Variants in AFAP1L1 observed in about 807,000 individuals in gnomAD.
AFAP1L1 encodes actin filament associated protein 1 like 1.
In AFAP1L1, 77 loss-of-function variants were observed where a neutral mutation model predicts 99.8. The ratio of observed to expected loss-of-function variants is 0.77; its 90% CI spans 0.64 to 0.93. AFAP1L1 has a LOEUF of 0.93. Among genes scored for constraint, AFAP1L1 ranks in the 40% least tolerant of loss-of-function variants. AFAP1L1 has a pLI of 0.00. For missense variants in AFAP1L1, 893 were observed against 996.8 expected (o/e 0.90, Z 1.40); for synonymous variants, 373 against 395.3 (o/e 0.94, Z 0.67).
chr5:149,311,009 AGTGT>A (rs1308636862), intron 8 of AFAP1L1, among the ~76,000 whole-genome samples: 1 of 152,148 alleles, frequency 6.6e-6, no homozygotes, highest in Non-Finnish European at 1.5e-5. Flanking sequence ...CCAGGCAGTG[AGTGT>A]GTGGTAACTG....
chr5:149,308,471 AT>A (rs1368734153), intron 7 of AFAP1L1, among the ~76,000 whole-genome samples: 1 of 152,112 alleles, frequency 6.6e-6, no homozygotes, highest in Admixed American at 6.5e-5. Flanking sequence ...TTTAAGAAGG[AT>A]TTTTTTATAT....
intron 15 of AFAP1L1, 91 bp downstream of exon 15, chr5:149,322,808 G>A (rs1462845011): frequency 3.0e-6 from 3 of 1,011,648 alleles, no homozygotes; most frequent in East Asian, 2.8e-5. Context: ...TCCCTGGTGG[G>A]TAAATAAATG....
At chr5:149,302,585 A>C (rs1756263648) in intron 5 of AFAP1L1, 59 bp downstream of exon 5, 1 of 1,421,724 alleles carries the variant, frequency 7.0e-7, no homozygotes, top group African/African-American at 1.4e-5. Context: ...AGCCAAATTT[A>C]AGTTCCTCTG....
chr5:149,315,219 GGT>G (rs1756759688), intron 9 of AFAP1L1, among the ~76,000 whole-genome samples: 1 of 152,094 alleles, frequency 6.6e-6, no homozygotes, highest in African/African-American at 2.4e-5. Flanking sequence ...GTTGTGTGTG[GGT>G]GTGTGGGTGT....
chr5:149,275,732 T>C (rs1437772304), intron 1 of AFAP1L1, among the ~76,000 whole-genome samples: 1 of 151,910 alleles, frequency 6.6e-6, no homozygotes, highest in Non-Finnish European at 1.5e-5. Context: ...GGTCTCCATC[T>C]CCTGACCTCG....
At chr5:149,300,470 G>A in intron 3 of AFAP1L1, 116 bp downstream of exon 3, 1 of 864,414 alleles carries the variant, frequency 1.2e-6, no homozygotes, top group Non-Finnish European at 1.8e-6. Flanking sequence ...AAGTCGCTTT[G>A]GGCCAGTCCT....
At chr5:149,288,740 C>T (rs764791817) in intron 1 of AFAP1L1, among the ~76,000 whole-genome samples, 16 of 152,328 alleles carry the variant, frequency 1.1e-4, no homozygotes, top group Non-Finnish European at 8.8e-5. Context: ...CCTTCCTCTA[C>T]CCCCTCCTGT....
chr5:149,316,608 A>T (rs1756806185), intron 11 of AFAP1L1, among the ~76,000 whole-genome samples: 1 of 152,210 alleles, frequency 6.6e-6, no homozygotes, highest in Non-Finnish European at 1.5e-5. Flanking sequence ...CCTCCACGAT[A>T]ACAAGACAGG....
intron 5 of AFAP1L1, among the ~76,000 whole-genome samples, chr5:149,304,119 A>G (rs558866070): frequency 6.6e-6 from 1 of 152,320 alleles, no homozygotes; most frequent in Admixed American, 6.5e-5. Flanking sequence ...ATGGAGTCAT[A>G]TAATTTGTGG....
intron 1 of AFAP1L1, among the ~76,000 whole-genome samples, chr5:149,289,400 C>T (rs770030187): frequency 6.6e-6 from 1 of 152,038 alleles, no homozygotes; most frequent in Non-Finnish European, 1.5e-5. Context: ...CACACAGGGG[C>T]TATATTTAAC....
chr5:149,329,710 G>A lies in AFAP1L1; in HGVS notation c.1855G>A (p.Ala619Thr). 1.2e-6 allele frequency: 2 copies of A among 1,614,130 alleles called. No homozygotes were observed. The highest frequency in any genetic ancestry group is 1.7e-6 in the Non-Finnish European group (2 of 1,180,020). Residue 619 changes from alanine (A) to threonine (T), a missense_variant, in exon 16 of 19, where the codon GCC (alanine) becomes ACC (threonine). Coordinates refer to ENST00000296721, the MANE Select transcript of AFAP1L1 (RefSeq NM_152406.4). Reference protein sequence around the residue: ...KYGKNRAEEDARRYLVEKEKL... With the variant: ...KYGKNRAEEDTRRYLVEKEKL... ...TGGCAAGAACCGAGCCGAGGAGGAT[G>A]CCCGGAGGTACTTGGTAGAAAAAGA...
intron 15 of AFAP1L1, among the ~76,000 whole-genome samples, chr5:149,325,765 GTGT>G (rs1348031380): frequency 6.6e-6 from 1 of 152,158 alleles, no homozygotes; most frequent in African/African-American, 2.4e-5. Context: ...CAAGATCAAG[GTGT>G]TGACATCTAG....
At chr5:149,324,597 G>A (rs1757042093) in intron 15 of AFAP1L1, among the ~76,000 whole-genome samples, 1 of 152,338 alleles carries the variant, frequency 6.6e-6, no homozygotes, top group African/African-American at 2.4e-5. Flanking sequence ...CATGTGTTAT[G>A]TCACACGGTT....
At chr5:149,294,975 T>G (rs921489415) in intron 1 of AFAP1L1, among the ~76,000 whole-genome samples, 6 of 152,184 alleles carry the variant, frequency 3.9e-5, no homozygotes, top group African/African-American at 1.4e-4. Context: ...CTCCATTTCC[T>G]CCTTTGTAGG....
chr5:149,340,124 G>C lies in AFAP1L1; in HGVS notation c.*94G>C. 2 of 1,494,372 alleles carry C rather than the reference G, an allele frequency of 1.3e-6. No homozygotes were observed. Among genetic ancestry groups the C allele is most frequent in the South Asian group, 1.2e-5 (1 of 85,716 alleles). 92.6% of individuals were successfully genotyped at this position (1,494,372 alleles called of 1,614,324 possible). ...ACAAGGAGACACCAAGAGAAGACTA[G>C]GAAGTAGCCCTCGTTCTCCAGGGCA... On this transcript the variant is annotated 3_prime_UTR_variant, in exon 19 of 19. Coordinates refer to ENST00000296721, the MANE Select transcript of AFAP1L1 (RefSeq NM_152406.4).
chr5:149,326,843 A>G (rs1413229481), intron 15 of AFAP1L1, among the ~76,000 whole-genome samples: 2 of 152,198 alleles, frequency 1.3e-5, no homozygotes, highest in Non-Finnish European at 2.9e-5. Flanking sequence ...CCCCAGAGTG[A>G]CTGTACACAT....
chr5:149,335,802 T>A, intron 18 of AFAP1L1, 80 bp downstream of exon 18: 2 of 1,556,108 alleles, frequency 1.3e-6, no homozygotes, highest in Non-Finnish European at 1.7e-6. Context: ...AACCAAAAAA[T>A]CAACTAGTGA....
rs1757610212 is a variant in AFAP1L1 at position 149,343,313 on chromosome 5, C to T, written c.*3283C>T. ...GACAAGATTCAGAGTGCTCAAGGAACACTTCCCATTCCCTTAAAAAAAAAA... is the reference window on the plus strand; with the variant it reads ...GACAAGATTCAGAGTGCTCAAGGAATACTTCCCATTCCCTTAAAAAAAAAA... On this transcript the variant is annotated 3_prime_UTR_variant, in exon 19 of 19. Transcript: ENST00000296721. Among the ~76,000 whole-genome samples the T allele has an allele frequency of 6.6e-6, 1 of 151,962 alleles. No homozygotes were observed. The highest frequency in any genetic ancestry group is 1.5e-5 in the Non-Finnish European group (1 of 68,002).
intron 18 of AFAP1L1, among the ~76,000 whole-genome samples, chr5:149,338,653 T>C (rs570109567): frequency 6.6e-6 from 1 of 152,304 alleles, no homozygotes; most frequent in South Asian, 2.1e-4. Flanking sequence ...CCCAAAAAAG[T>C]CCCTGGTCTC....
Sources: gnomAD v4.1 joint callset for allele counts (sites outside exome capture counted in the v4.1 genomes callset) on GRCh38, gnomAD v4.1.1 for gene constraint, MANE v1.5 for transcripts, NCBI Gene and HGNC (gene_info 2026-07-23, HGNC 2026-07-21) for gene names.